NAGS: variants seen among roughly 807,000 people sequenced by gnomAD.
NAGS encodes the protein N-acetylglutamate synthase, mitochondrial.
In NAGS, 34 loss-of-function variants were observed where a neutral mutation model predicts 46.9. The ratio of observed to expected loss-of-function variants is 0.72; its 90% confidence interval spans 0.55 to 0.97. NAGS has a LOEUF of 0.97. NAGS is among the 50% of genes least tolerant of loss of function. The pLI is 0.00. For synonymous variants in NAGS, 334 were observed against 346.3 expected, an observed-to-expected ratio of 0.96 and a Z score of 0.39; for missense variants, 665 against 747.0, an observed-to-expected ratio of 0.89 and a Z score of 1.28.
chr17:44,008,027 C>T (rs972899864), intron 6 of NAGS, among the ~76,000 whole-genome samples: 1 of 152,204 alleles, frequency 6.6e-6, no homozygotes, highest in Non-Finnish European at 1.5e-5. Flanking sequence ...GGAATCCTAA[C>T]CCTTCAGGGT....
rs1415745864 is a variant in NAGS, at chr17:44,006,100, C to A, written c.778C>A (p.Pro260Thr). Residue 260 changes from proline to threonine, a missense_variant, in exon 3 of 7, where the codon CCC (proline) becomes ACC (threonine). Coordinates refer to ENST00000293404, the MANE Select transcript of NAGS (RefSeq NM_153006.3). This position sits in a 1 kb window ranked among gnomAD's most constrained non-coding sequence, Gnocchi z 4.8. Reference sequence around the variant, plus strand: ...GTCGGGCAGCATCCCCATCCTGTGCCCCATCGGGGAGACGGCCGCGCGCCG... The same window carrying A: ...GTCGGGCAGCATCCCCATCCTGTGCACCATCGGGGAGACGGCCGCGCGCCG... ...LESGSIPILC[P>T]IGETAARRSV... 1.9e-6 allele frequency: 3 copies of A among 1,612,766 alleles called. No homozygotes were observed. The Admixed American group carries it at 5.0e-5, about 27-fold the overall frequency.
Position 44,006,618 on chromosome 17 carries a change from C to T in NAGS, c.1005C>T (p.Leu335=), listed in dbSNP as rs2049095733. ...VSTKERQQMR[L]IVDVLSRLPH... ...CAAAAGAACGGCAGCAGATGCGGCT[C>T]ATCGTGGACGTGCTCAGCCGCCTGC... The change falls in exon 4 of 7, where the codon CTC becomes CTT. Residue 335 remains leucine, a synonymous_variant. Coordinates refer to ENST00000293404, the MANE Select transcript of NAGS (RefSeq NM_153006.3). This position sits in a 1 kb window ranked among gnomAD's most constrained non-coding sequence, Gnocchi z 4.8. 3 of 1,607,406 alleles carry T rather than the reference C, an allele frequency of 1.9e-6. No individual in the cohort carries two copies. The highest frequency in any genetic ancestry group is 2.5e-6 in the Non-Finnish European group (3 of 1,177,664).
chr17:44,006,673 G>C lies in NAGS; in HGVS notation c.1060G>C (p.Ala354Pro), dbSNP rs1294678077. 26 of 1,611,322 alleles carry C rather than the reference G, an allele frequency of 1.6e-5. No individual in the cohort carries two copies. The highest frequency in any genetic ancestry group is 2.2e-5 in the Non-Finnish European group (26 of 1,179,004). Residue 354 changes from alanine to proline, a missense_variant, in exon 4 of 7, where the codon GCT becomes CCT. By Grantham distance (27) the Ala-to-Pro change is conservative. Coordinates refer to ENST00000293404, the MANE Select transcript of NAGS (RefSeq NM_153006.3). This position sits in a 1 kb window ranked among gnomAD's most constrained non-coding sequence, Gnocchi z 4.8. ...PHHSSAVITA[A>P]STLLTELFSN... is the part of the protein sequence containing the mutation. ...CCACTCCTCGGCCGTCATCACCGCC[G>C]CTAGCACGCTGCTCACTGAGCTCTT...
Position 44,005,001 on chromosome 17 carries a change from G to T in NAGS, c.338G>T (p.Cys113Phe), listed in dbSNP as rs950968855. Residue 113 changes from cysteine (C) to phenylalanine (F), a missense_variant, in exon 1 of 7, where the codon TGC (cysteine) becomes TTC (phenylalanine). By Grantham distance (205) the Cys-to-Phe change is radical. Coordinates refer to ENST00000293404, the MANE Select transcript of NAGS (RefSeq NM_153006.3). This position sits in a 1 kb window ranked among gnomAD's most constrained non-coding sequence, Gnocchi z 7.2. ...GACATCCAGGCCTTCCTGAACCAGT[G>T]CGGGGCCAGCCCTGGGGAGGCGCGC... ...QRDIQAFLNQ[C>F]GASPGEARHW... 40 of 1,551,594 alleles carry T rather than the reference G, an allele frequency of 2.6e-5. No homozygotes were observed. Among genetic ancestry groups the T allele is most frequent in the Non-Finnish European group, 3.5e-5 (40 of 1,154,506 alleles).
rs562160919 is a variant in NAGS at position 44,006,860 on chromosome 17, G to A, written c.1096+151G>A. The A allele has an allele frequency of 5.5e-5, 42 of 764,994 alleles. No homozygotes were observed. The Admixed American group carries it at 1.1e-3, about 20-fold the overall frequency. The allele number at this position is 764,994 out of a possible 1,614,324, so 47.4% of individuals were successfully genotyped here. A position where few individuals can be genotyped will look rare whatever the true frequency, so the allele number is the denominator to read the frequency against. On this transcript the variant is annotated intron_variant, in intron 4 of 6. Transcript: ENST00000293404. This position sits in a 1 kb window ranked among gnomAD's most constrained non-coding sequence, Gnocchi z 4.8. ...CACAGCAATGGCTCCTGCTGCTGCC[G>A]AAACCCGGGGGAGGTGAGAGAGGAG...
At position 44,007,199 on chromosome 17, in the gene NAGS, C is replaced by A; in HGVS notation, c.1097-124C>A. ...ACAAATCTATGCAGACCACTGAAAT[C>A]ATTTCACTGTGGAGGTCTCCCAAAG... On this transcript the variant is annotated intron_variant, in intron 4 of 6. Coordinates refer to ENST00000293404, the MANE Select transcript of NAGS (RefSeq NM_153006.3). This position sits in a 1 kb window ranked among gnomAD's most constrained non-coding sequence, Gnocchi z 5.1. The A allele has an allele frequency of 2.4e-6, 2 of 825,976 alleles. No homozygotes were observed. Among genetic ancestry groups the A allele is most frequent in the Non-Finnish European group, 3.8e-6 (2 of 526,058 alleles). The allele number at this position is 825,976 out of a possible 1,614,324, so 51.2% of individuals were successfully genotyped here. A position where few individuals can be genotyped will look rare whatever the true frequency, so the allele number is the denominator to read the frequency against.
At position 44,006,292 on chromosome 17, in the gene NAGS, G is replaced by T. The variant is rs981579619; in HGVS notation, c.915+55G>T. On this transcript the variant is annotated intron_variant, in intron 3 of 6. Transcript: ENST00000293404. The surrounding 1 kb of genome is among the most constrained non-coding windows in gnomAD (Gnocchi z 4.8). ...GCCGGCGATCCGGGCCTTCTCTTGC[G>T]CCCCTCGCACTTCTCCCCGACGGGC... 6.9e-6 allele frequency: 11 copies of T among 1,585,064 alleles called. No individual in the cohort carries two copies. The highest frequency in any genetic ancestry group is 8.6e-6 in the Non-Finnish European group (10 of 1,163,918).
chr17:44,007,511 C>A lies in NAGS; in HGVS notation c.1268+17C>A. 6.2e-7 allele frequency: 1 copy of A among 1,613,576 alleles called. No individual in the cohort carries two copies. Among genetic ancestry groups the A allele is most frequent in the South Asian group, 1.1e-5 (1 of 91,058 alleles). On this transcript the variant is annotated intron_variant, in intron 5 of 6. Coordinates refer to ENST00000293404, the MANE Select transcript of NAGS (RefSeq NM_153006.3). This position sits in a 1 kb window ranked among gnomAD's most constrained non-coding sequence, Gnocchi z 5.1. Reference sequence around the variant, plus strand: ...CTCCGAGGGGTAAGCCTGCGGACCCCAGAGGGCGGGGTCTGGGGGGCAGTC... The same window carrying A: ...CTCCGAGGGGTAAGCCTGCGGACCCAAGAGGGCGGGGTCTGGGGGGCAGTC...
rs2049074701 is a variant in NAGS at position 44,005,573 on chromosome 17, C to T, written c.427-64C>T. 6.3e-7 allele frequency: 1 copy of T among 1,578,246 alleles called. No individual in the cohort carries two copies. The highest frequency in any genetic ancestry group is 8.6e-7 in the Non-Finnish European group (1 of 1,162,806). On this transcript the variant is annotated intron_variant, in intron 1 of 6. Coordinates refer to ENST00000293404, the MANE Select transcript of NAGS (RefSeq NM_153006.3). This position sits in a 1 kb window ranked among gnomAD's most constrained non-coding sequence, Gnocchi z 7.2. ...AGGGTCACCGAGACGGCCCTGCAGG[C>T]CAGGCTGTGGGAGCCAGCGGCTCAG...
At position 44,007,441 on chromosome 17, in the gene NAGS, C is replaced by T. The variant is rs1389770194; in HGVS notation, c.1215C>T (p.Asp405=). 2 of 1,613,768 alleles carry T rather than the reference C, an allele frequency of 1.2e-6. No homozygotes were observed. The highest frequency in any genetic ancestry group is 1.1e-5 in the South Asian group (1 of 91,094). Residue 405 remains aspartate (D), a synonymous_variant, in exon 5 of 7, where the codon GAC becomes GAT. Coordinates refer to ENST00000293404, the MANE Select transcript of NAGS (RefSeq NM_153006.3). The surrounding 1 kb of genome is among the most constrained non-coding windows in gnomAD (Gnocchi z 5.1). ...CCAGCTTCGGCAAGAAGCTCAGGGACGACTACCTGGCCTCGCTGCGCCCGC... is the reference window on the plus strand; with the variant it reads ...CCAGCTTCGGCAAGAAGCTCAGGGATGACTACCTGGCCTCGCTGCGCCCGC... The part of the protein sequence containing the change: ...VNASFGKKLR[D]DYLASLRPRL...
In NAGS at chr17:44,007,114, G is replaced by C. The variant is rs1371153328; in HGVS notation, c.1097-209G>C. ...GAAGTGGGTGGGGCTCCAGGCGACA[G>C]GAGGAACTTGGGGCACAATCTCTGC... On this transcript the variant is annotated intron_variant, in intron 4 of 6. Transcript: ENST00000293404. This position sits in a 1 kb window ranked among gnomAD's most constrained non-coding sequence, Gnocchi z 5.1. 1 of 612,448 alleles carries C rather than the reference G, an allele frequency of 1.6e-6. No homozygotes were observed. The highest frequency in any genetic ancestry group is 2.9e-6 in the Non-Finnish European group (1 of 350,526). 37.9% of individuals were successfully genotyped at this position (612,448 alleles called of 1,614,324 possible).
In NAGS at chr17:44,005,169, A is replaced by G; in HGVS notation, c.426+80A>G. 1 of 1,493,574 alleles carries G rather than the reference A, an allele frequency of 6.7e-7. No individual in the cohort carries two copies. The highest frequency in any genetic ancestry group is 8.9e-7 in the Non-Finnish European group (1 of 1,119,808). 92.5% of individuals were successfully genotyped at this position (1,493,574 alleles called of 1,614,324 possible). A position where few individuals can be genotyped will look rare whatever the true frequency, so the allele number is the denominator to read the frequency against. ...CACCTGTCCTCAGGCATGGCAGGAT[A>G]CGCTGCGGGCTCTGCGCAGCGGAAG... On this transcript the variant is annotated intron_variant, in intron 1 of 6. Transcript: ENST00000293404. This position sits in a 1 kb window ranked among gnomAD's most constrained non-coding sequence, Gnocchi z 7.2.
In NAGS at chr17:44,008,563, G is replaced by T. The variant is rs1330189070; in HGVS notation, c.1567G>T (p.Asp523Tyr). ...ELVNHAKGLPDSFHKPASDPG... is the reference protein window; with the variant it reads ...ELVNHAKGLPYSFHKPASDPG... ...GGTCAACCACGCCAAGGGACTGCCA[G>T]ACTCCTTTCACAAGCCAGCTTCTGA... The change falls in exon 7 of 7, where the codon GAC becomes TAC. Residue 523 changes from aspartate (D) to tyrosine (Y), a missense_variant. By Grantham distance (160) the Asp-to-Tyr change is radical. Transcript: ENST00000293404. The T allele has an allele frequency of 6.2e-7, 1 of 1,614,112 alleles. No individual in the cohort carries two copies. The highest frequency in any genetic ancestry group is 8.5e-7 in the Non-Finnish European group (1 of 1,180,046).
In NAGS at chr17:44,006,260, C is replaced by T. The variant is rs749824115; in HGVS notation, c.915+23C>T. The T allele has an allele frequency of 1.9e-6, 3 of 1,610,466 alleles. No homozygotes were observed. The highest frequency in any genetic ancestry group is 2.5e-6 in the Non-Finnish European group (3 of 1,178,478). On this transcript the variant is annotated intron_variant, in intron 3 of 6. Transcript: ENST00000293404. This position sits in a 1 kb window ranked among gnomAD's most constrained non-coding sequence, Gnocchi z 4.8. ...AAGGTGCGGCCCTTTCTTTCACCTTCCCCCACGCCGGCGATCCGGGCCTTC... is the reference window on the plus strand; with the variant it reads ...AAGGTGCGGCCCTTTCTTTCACCTTTCCCCACGCCGGCGATCCGGGCCTTC...
Position 44,006,521 on chromosome 17 carries a change from G to T in NAGS, c.916-8G>T. On this transcript the variant is annotated splice_region_variant and splice_polypyrimidine_tract_variant and intron_variant, in intron 3 of 6. Transcript: ENST00000293404. This position sits in a 1 kb window ranked among gnomAD's most constrained non-coding sequence, Gnocchi z 4.8. ...TGGGCCAGGCTCACCCGCTGACTCC[G>T]GACACAGGTCCTGAGTAACGTGAAC... 3 of 1,551,718 alleles carry T rather than the reference G, an allele frequency of 1.9e-6. No homozygotes were observed. The highest frequency in any genetic ancestry group is 2.6e-6 in the Non-Finnish European group (3 of 1,147,542).
Position 44,006,546 on chromosome 17 carries a change from C to A in NAGS, c.933C>A (p.Asn311Lys). ...DSSHKVLSNV[N>K]LPADLDLVCN... is the part of the protein sequence containing the mutation. ...GGACACAGGTCCTGAGTAACGTGAA[C>A]CTGCCCGCCGACCTGGACCTGGTGT... is the stretch of plus-strand genomic sequence containing the variant. The change falls in exon 4 of 7, where the codon AAC (asparagine) becomes AAA (lysine). Residue 311 changes from asparagine (N) to lysine (K), a missense_variant. Asn to Lys is a moderately conservative substitution (Grantham distance 94). Transcript: ENST00000293404. The surrounding 1 kb of genome is among the most constrained non-coding windows in gnomAD (Gnocchi z 4.8). 1 of 1,558,108 alleles carries A rather than the reference C, an allele frequency of 6.4e-7. No individual in the cohort carries two copies. Among genetic ancestry groups the A allele is most frequent in the South Asian group, 1.2e-5 (1 of 85,030 alleles).
Position 44,004,639 on chromosome 17 carries a change from T to C in NAGS, c.-25T>C. ...GACGCTCCAGACAGACTGCCACTCT[T>C]GGGGGGCAAGAGTTGGTTGTCGTCA... On this transcript the variant is annotated 5_prime_UTR_variant, in exon 1 of 7. Transcript: ENST00000293404. 2 of 1,503,064 alleles carry C rather than the reference T, an allele frequency of 1.3e-6. No homozygotes were observed. The highest frequency in any genetic ancestry group is 1.8e-6 in the Non-Finnish European group (2 of 1,123,650). 93.1% of individuals were successfully genotyped at this position (1,503,064 alleles called of 1,614,324 possible).
In NAGS at chr17:44,006,651, C is replaced by T. The variant is rs754276418; in HGVS notation, c.1038C>T (p.His346=). ...IVDVLSRLPH[H]SSAVITAAST... ...ACGTGCTCAGCCGCCTGCCCCACCA[C>T]TCCTCGGCCGTCATCACCGCCGCTA... Residue 346 remains histidine, a synonymous_variant, in exon 4 of 7, where the codon CAC becomes CAT. Transcript: ENST00000293404. This position sits in a 1 kb window ranked among gnomAD's most constrained non-coding sequence, Gnocchi z 4.8. 7 of 1,609,286 alleles carry T rather than the reference C, an allele frequency of 4.3e-6. No individual in the cohort carries two copies. The African/African-American group carries it at 6.7e-5, about 15-fold the overall frequency.
Position 44,006,772 on chromosome 17 carries a change from T to C in NAGS, c.1096+63T>C. 6.6e-7 allele frequency: 1 copy of C among 1,505,338 alleles called. No homozygotes were observed. 93.2% of individuals were successfully genotyped at this position (1,505,338 alleles called of 1,614,324 possible). On this transcript the variant is annotated intron_variant, in intron 4 of 6. Coordinates refer to ENST00000293404, the MANE Select transcript of NAGS (RefSeq NM_153006.3). The surrounding 1 kb of genome is among the most constrained non-coding windows in gnomAD (Gnocchi z 4.8). ...AGTGAGTACTGGCCGGGGCTGGGTG[T>C]CTGCGGTCAGGAGGAGCGGCTTCTC...
Sources: allele counts gnomAD v4.1 joint callset (sites outside exome capture counted in the v4.1 genomes callset), GRCh38; gene constraint gnomAD v4.1.1; non-coding constraint Gnocchi (gnomAD v3.1); transcripts MANE v1.5; gene names NCBI Gene and HGNC (gene_info 2026-07-23, HGNC 2026-07-21).